The following KCNMA1 variants were observed in gnomAD, a reference collection of about 807,000 sequenced individuals.
KCNMA1 encodes potassium calcium-activated channel subfamily M alpha 1.
In KCNMA1, 29 loss-of-function variants were observed where a neutral mutation model predicts 140.0. The observed-to-expected ratio is 0.21, with a 90% CI of 0.15 to 0.28. KCNMA1 has a LOEUF of 0.28. KCNMA1 is among the 10% of genes least tolerant of loss of function. The pLI is 1.00. For missense variants in KCNMA1, 880 were observed against 1,602.2 expected, an observed-to-expected ratio of 0.55 and a Z score of 7.70; for synonymous variants, 612 against 611.9, an observed-to-expected ratio of 1.00 and a Z score of 0.00.
intron 8 of KCNMA1, among the ~76,000 whole-genome samples, chr10:77,109,378 G>T (rs1025961490): frequency 1.4e-5 from 2 of 147,776 alleles, no homozygotes; most frequent in Non-Finnish European, 3.0e-5. Flanking sequence ...TATGGATTAG[G>T]ATTTTAATCA....
At chr10:77,165,549 T>C (rs949286520) in intron 5 of KCNMA1, among the ~76,000 whole-genome samples, 2 of 152,220 alleles carry the variant, frequency 1.3e-5, no homozygotes, top group African/African-American at 4.8e-5. Flanking sequence ...GATAAAATGA[T>C]AATGCAAACA....
chr10:77,637,193 G>A (rs2093846037), intron 1 of KCNMA1, 72 bp downstream of exon 1: 4 of 1,398,590 alleles, frequency 2.9e-6, no homozygotes, highest in Non-Finnish European at 2.9e-6. Flanking sequence ...GCGGAGCGAG[G>A]AGGTGGGCTG....
intron 1 of KCNMA1, among the ~76,000 whole-genome samples, chr10:77,423,703 G>A (rs899461764): frequency 1.4e-4 from 22 of 152,130 alleles, no homozygotes; most frequent in Admixed American, 7.9e-4. Flanking sequence ...CATGGGGTCT[G>A]CACAAACTTG....
intron 19 of KCNMA1, among the ~76,000 whole-genome samples, chr10:76,990,447 G>A (rs2082411940): frequency 1.3e-5 from 2 of 152,162 alleles, no homozygotes; most frequent in African/African-American, 4.8e-5. Flanking sequence ...TAGAGAGGAG[G>A]AAATACAGGA....
Position 77,134,225 on chromosome 10 carries a change from C to T in KCNMA1, c.809-13177G>A, listed in dbSNP as rs183699325. Among the ~76,000 whole-genome samples the T allele has an allele frequency of 2.3e-3, 348 of 152,186 alleles. 1 individual carries two copies. The highest frequency in any genetic ancestry group is 4.9e-3 in the Admixed American group (75 of 15,290). On this transcript the variant is annotated intron_variant, in intron 5 of 27. Coordinates refer to ENST00000286628, the MANE Select transcript of KCNMA1 (RefSeq NM_001161352.2). The stretch of plus-strand genomic sequence containing the variant: ...AATCTTTGAAATACAGGCTCTGCCA[C>T]CACCATAAAAACGTCAAAATTCTGC...
At chr10:77,284,592 CA>C in intron 2 of KCNMA1, among the ~76,000 whole-genome samples, 1 of 152,242 alleles carries the variant, frequency 6.6e-6, no homozygotes, top group Middle Eastern at 3.4e-3. Context: ...CGACTCACTG[CA>C]ACCTCCACCT....
intron 2 of KCNMA1, among the ~76,000 whole-genome samples, chr10:77,268,483 G>T (rs2064034206): frequency 6.6e-6 from 1 of 152,038 alleles, no homozygotes; most frequent in African/African-American, 2.4e-5. Context: ...TTAATAAATT[G>T]CTGGAGATGA....
chr10:77,161,229 G>A (rs895123220), intron 5 of KCNMA1, among the ~76,000 whole-genome samples: 1 of 152,150 alleles, frequency 6.6e-6, no homozygotes, highest in African/African-American at 2.4e-5. Flanking sequence ...TTCTTCATAT[G>A]GACTCACTGG....
intron 23 of KCNMA1, among the ~76,000 whole-genome samples, chr10:76,932,656 T>C (rs2059565875): frequency 6.6e-6 from 1 of 152,206 alleles, no homozygotes; most frequent in South Asian, 2.1e-4. Flanking sequence ...CTGGAATCTT[T>C]ATTATGTCAA....
chr10:77,082,390 A>G (rs751378873), intron 12 of KCNMA1, among the ~76,000 whole-genome samples: 1 of 152,062 alleles, frequency 6.6e-6, no homozygotes, highest in African/African-American at 2.4e-5. Flanking sequence ...GTGTCTTCAT[A>G]TTAACCCTAC....
At chr10:77,593,178 A>G (rs2154565057) in intron 1 of KCNMA1, among the ~76,000 whole-genome samples, 1 of 152,278 alleles carries the variant, frequency 6.6e-6, no homozygotes, top group Non-Finnish European at 1.5e-5. Context: ...ACTAAGGATC[A>G]ACGTCCCACC....
intron 1 of KCNMA1, among the ~76,000 whole-genome samples, chr10:77,609,321 A>G (rs893533389): frequency 5.3e-5 from 8 of 152,228 alleles, no homozygotes; most frequent in African/African-American, 1.9e-4. Context: ...AGAGGACAGT[A>G]TGTTAAGTGA....
chr10:77,051,762 A>C (rs76070560), intron 14 of KCNMA1, among the ~76,000 whole-genome samples: 2,677 of 152,312 alleles, frequency 0.018, 79 homozygotes, highest in African/African-American at 0.06. Flanking sequence ...GCCAAGGAGC[A>C]TAACCTCTCC....
At chr10:76,936,594 G>T (rs1359295921) in intron 23 of KCNMA1, among the ~76,000 whole-genome samples, 1 of 152,174 alleles carries the variant, frequency 6.6e-6, no homozygotes, top group Admixed American at 6.5e-5. Context: ...GTAATGAAAT[G>T]TTATATGGGA....
chr10:77,310,043 T>G (rs1289805236), intron 2 of KCNMA1, among the ~76,000 whole-genome samples: 4 of 151,906 alleles, frequency 2.6e-5, no homozygotes, highest in Non-Finnish European at 4.4e-5. Context: ...AGAATTTGAG[T>G]TGGATTTTCA....
chr10:77,038,987 T>A (rs1054240645), intron 15 of KCNMA1: 1 of 177,324 alleles, frequency 5.6e-6, no homozygotes, highest in African/African-American at 2.4e-5. Context: ...CTAAGACTTG[T>A]TATTATTATA....
chr10:77,093,521 C>T (rs1385248396), intron 9 of KCNMA1, among the ~76,000 whole-genome samples: 1 of 152,190 alleles, frequency 6.6e-6, no homozygotes, highest in African/African-American at 2.4e-5. Flanking sequence ...GGAGAAGCTG[C>T]CTCTAACTCA....
At chr10:77,209,330 G>A (rs1269244913) in intron 3 of KCNMA1, among the ~76,000 whole-genome samples, 1 of 152,146 alleles carries the variant, frequency 6.6e-6, no homozygotes, top group Non-Finnish European at 1.5e-5. Context: ...TCAGATCAAA[G>A]CTACCCAATA....
chr10:77,305,466 G>A (rs2077472701), intron 2 of KCNMA1, among the ~76,000 whole-genome samples: 1 of 152,116 alleles, frequency 6.6e-6, no homozygotes, highest in Non-Finnish European at 1.5e-5. Flanking sequence ...ACAAGCCAAG[G>A]AGTAGAGCTG....
Sources: allele counts gnomAD v4.1 joint callset (sites outside exome capture counted in the v4.1 genomes callset), GRCh38; gene constraint gnomAD v4.1.1; transcripts MANE v1.5; gene names NCBI Gene and HGNC (gene_info 2026-07-23, HGNC 2026-07-21).